The following WWOX variants were observed in gnomAD, a reference collection of about 807,000 sequenced individuals.
WWOX encodes WW domain containing oxidoreductase.
A neutral mutation model predicts 46.2 loss-of-function variants in WWOX; 69 were observed. That is an observed-to-expected ratio of 1.49 (90% CI 1.23 to 1.82). The LOEUF (loss-of-function observed/expected upper bound fraction) is 1.82. WWOX is among the 40% of genes most tolerant of loss of function. WWOX has a pLI of 0.00. For synonymous variants in WWOX, 359 were observed against 202.6 expected, an observed-to-expected ratio of 1.77 and a Z score of -6.56; for missense variants, 919 against 542.6, an observed-to-expected ratio of 1.69 and a Z score of -6.89.
Position 78,986,534 on chromosome 16 carries a change from G to C in WWOX, c.1057-225074G>C, listed in dbSNP as rs540955864. Among the ~76,000 whole-genome samples the C allele has an allele frequency of 3.2e-4, 49 of 152,324 alleles. No individual in the cohort carries two copies. In the East Asian group the frequency reaches 8.7e-3, roughly 27 times the overall value. On this transcript the variant is annotated intron_variant, in intron 8 of 8. Transcript: ENST00000566780. ...GGATTTCATGTAAGTAACCTGTGCA[G>C]AGAGTGAGGATAAATAAGAACAAGA... is the stretch of plus-strand genomic sequence containing the variant.
At chr16:78,952,136 T>C (rs781533715) in intron 8 of WWOX, among the ~76,000 whole-genome samples, 3 of 152,040 alleles carry the variant, frequency 2.0e-5, no homozygotes, top group Non-Finnish European at 4.4e-5. Flanking sequence ...ACTGTTATCA[T>C]TGTAACCCTC....
intron 8 of WWOX, among the ~76,000 whole-genome samples, chr16:79,105,172 G>C (rs2049283364): frequency 6.6e-6 from 1 of 152,204 alleles, no homozygotes; most frequent in Admixed American, 6.5e-5. Context: ...AACAGGAACA[G>C]AACCAGCACC....
rs74365805 is a variant in WWOX at position 78,614,780 on chromosome 16, T to C, written c.1056+182028T>C. On this transcript the variant is annotated intron_variant, in intron 8 of 8. Coordinates refer to ENST00000566780, the MANE Select transcript of WWOX (RefSeq NM_016373.4). ...AAATATTGACAGAGTTGTCTTTTTG[T>C]TTTGGTTTTTAAATGTTTTTTTAAG... 7.6e-3 allele frequency among the ~76,000 whole-genome samples: 1,150 copies of C among 152,284 alleles called. 13 individuals carry two copies. Among genetic ancestry groups the C allele is most frequent in the African/African-American group, 0.026 (1,068 of 41,556 alleles).
chr16:78,941,624 A>C (rs1406868740), intron 8 of WWOX, among the ~76,000 whole-genome samples: 1 of 152,102 alleles, frequency 6.6e-6, no homozygotes, highest in East Asian at 1.9e-4. Context: ...ATCATAGGAG[A>C]GTGCTCAGAA....
chr16:78,334,847 C>G (rs901328684), intron 5 of WWOX, among the ~76,000 whole-genome samples: 9 of 142,574 alleles, frequency 6.3e-5, no homozygotes, highest in Non-Finnish European at 9.1e-5. Flanking sequence ...CACACACACA[C>G]ACACACACAA....
At chr16:78,396,408 A>G (rs1344130292) in intron 6 of WWOX, among the ~76,000 whole-genome samples, 3 of 152,184 alleles carry the variant, frequency 2.0e-5, no homozygotes, top group African/African-American at 4.8e-5. Context: ...CACAAAATAA[A>G]CATTTTTGAT....
intron 8 of WWOX, among the ~76,000 whole-genome samples, chr16:78,803,254 TTC>T (rs2050943300): frequency 6.6e-6 from 1 of 151,976 alleles, no homozygotes; most frequent in South Asian, 2.1e-4. Flanking sequence ...TTTTTTTTTT[TTC>T]CTCTCCAAAC....
chr16:79,152,414 G>A (rs1029692686), intron 8 of WWOX, among the ~76,000 whole-genome samples: 6 of 152,168 alleles, frequency 3.9e-5, no homozygotes, highest in South Asian at 4.1e-4. Flanking sequence ...TCTCATGCCT[G>A]TAATCCCAGC....
chr16:78,914,291 T>A (rs919542801), intron 8 of WWOX, among the ~76,000 whole-genome samples: 10 of 152,074 alleles, frequency 6.6e-5, no homozygotes, highest in Non-Finnish European at 1.2e-4. Context: ...AACTATTAGC[T>A]GCCAGAGAGC....
intron 6 of WWOX, among the ~76,000 whole-genome samples, chr16:78,416,809 C>T (rs549612566): frequency 1.3e-5 from 2 of 152,198 alleles, no homozygotes; most frequent in African/African-American, 2.4e-5. Context: ...TCTAAGCTGG[C>T]AGGCCAGCAA....
intron 8 of WWOX, among the ~76,000 whole-genome samples, chr16:78,655,265 G>A (rs1377806312): frequency 6.6e-6 from 1 of 152,074 alleles, no homozygotes; most frequent in East Asian, 1.9e-4. Flanking sequence ...GTGGGGCGTG[G>A]GCACTAATTT....
At chr16:79,157,090 A>T (rs2050396321) in intron 8 of WWOX, among the ~76,000 whole-genome samples, 1 of 152,246 alleles carries the variant, frequency 6.6e-6, no homozygotes, top group African/African-American at 2.4e-5. Flanking sequence ...GAGAGAAAGT[A>T]TTAGGAAAAA....
chr16:78,946,213 C>G (rs1298548954), intron 8 of WWOX, among the ~76,000 whole-genome samples: 1 of 152,138 alleles, frequency 6.6e-6, no homozygotes, highest in Non-Finnish European at 1.5e-5. Flanking sequence ...GTTTTCGAGA[C>G]TGAGTCTTGC....
chr16:79,198,295 G>A (rs1051343885), intron 8 of WWOX, among the ~76,000 whole-genome samples: 5 of 152,140 alleles, frequency 3.3e-5, no homozygotes, highest in East Asian at 1.9e-4. Context: ...CCGAGATTGC[G>A]CCACTGTACT....
At chr16:78,655,391 C>T (rs907631632) in intron 8 of WWOX, among the ~76,000 whole-genome samples, 1 of 152,134 alleles carries the variant, frequency 6.6e-6, no homozygotes, top group African/African-American at 2.4e-5. Flanking sequence ...CTTGAGGGAA[C>T]AAGTAAATTA....
intron 8 of WWOX, among the ~76,000 whole-genome samples, chr16:78,705,835 T>C (rs1353653382): frequency 6.6e-6 from 1 of 152,172 alleles, no homozygotes; most frequent in Non-Finnish European, 1.5e-5. Context: ...CTATTCCTAT[T>C]CCTACAATTC....
intron 8 of WWOX, among the ~76,000 whole-genome samples, chr16:79,002,153 G>A (rs80187896): frequency 0.013 from 1,946 of 150,406 alleles, 14 homozygotes; most frequent in Middle Eastern, 0.045. Context: ...GTGTATCGAC[G>A]TGCTGTACTC....
At chr16:78,599,737 G>A (rs1006939262) in intron 8 of WWOX, among the ~76,000 whole-genome samples, 1 of 152,132 alleles carries the variant, frequency 6.6e-6, no homozygotes, top group Non-Finnish European at 1.5e-5. Context: ...GGGCAACAGA[G>A]GGAGAATTGT....
chr16:79,047,180 A>G (rs2048081025), intron 8 of WWOX, among the ~76,000 whole-genome samples: 1 of 152,198 alleles, frequency 6.6e-6, no homozygotes, highest in Non-Finnish European at 1.5e-5. Flanking sequence ...TTGAGTAGTA[A>G]GCACATGCAA....
Sources: allele counts gnomAD v4.1 joint callset (sites outside exome capture counted in the v4.1 genomes callset), GRCh38; gene constraint gnomAD v4.1.1; transcripts MANE v1.5; gene names NCBI Gene and HGNC (gene_info 2026-07-23, HGNC 2026-07-21).